The following UBXN2B variants were observed in gnomAD, a reference collection of about 807,000 sequenced individuals.
UBXN2B encodes the protein UBX domain protein 2B.
UBXN2B carries 19 observed loss-of-function variants against 37.5 expected under a neutral mutation model. That is an observed-to-expected ratio of 0.51 (90% CI 0.35 to 0.74). The LOEUF is 0.74. UBXN2B is among the 30% of genes least tolerant of loss of function. UBXN2B has a pLI of 0.01. For missense variants in UBXN2B, 370 were observed against 393.2 expected, an observed-to-expected ratio of 0.94 and a Z score of 0.50; for synonymous variants, 145 against 143.8, an observed-to-expected ratio of 1.01 and a Z score of -0.06.
chr8:58,441,348 C>CATATATATATATAT lies in UBXN2B; in HGVS notation c.671+1585_671+1598dup, dbSNP rs33952664. 8.5e-4 allele frequency among the ~76,000 whole-genome samples: 89 copies of CATATATATATATAT among 104,642 alleles called. 1 individual carries two copies. Among genetic ancestry groups the CATATATATATATAT allele is most frequent in the African/African-American group, 2.9e-3 (72 of 25,004 alleles). The allele number at this position is 104,642 out of a possible 152,430, so 68.6% of individuals were successfully genotyped here. A position where few individuals can be genotyped will look rare whatever the true frequency, so the allele number is the denominator to read the frequency against. On this transcript the variant is annotated intron_variant, in intron 6 of 7. Transcript: ENST00000399598. ...TTTTTACTCCTCTTGTTGTGATCAA[C>CATATATATATATAT]ATATATATATATATATATATGTATG...
chr8:58,432,375 CTTTTTTTTTTTTTTT>C (rs34018318), intron 3 of UBXN2B, among the ~76,000 whole-genome samples: 4 of 81,520 alleles, frequency 4.9e-5, no homozygotes, highest in African/African-American at 1.5e-4. Flanking sequence ...TTCTAAATTT[CTTTTTTTTTTTTTTT>C]TTTTTTTTTT....
chr8:58,439,945 A>G (rs1407869167), intron 6 of UBXN2B, among the ~76,000 whole-genome samples, 175 bp downstream of exon 6: 1 of 137,680 alleles, frequency 7.3e-6, no homozygotes, highest in Non-Finnish European at 1.6e-5. Context: ...ATTATATCAT[A>G]ATATTAATTG....
chr8:58,429,915 A>G (rs1190490212), intron 2 of UBXN2B, among the ~76,000 whole-genome samples: 8 of 152,240 alleles, frequency 5.3e-5, no homozygotes, highest in Non-Finnish European at 1.0e-4. Flanking sequence ...TATGTTTCCT[A>G]GGACCATTTA....
At chr8:58,435,468 A>T (rs753859828) in intron 5 of UBXN2B, among the ~76,000 whole-genome samples, 23 of 152,174 alleles carry the variant, frequency 1.5e-4, no homozygotes, top group Non-Finnish European at 2.5e-4. Context: ...GAGGCAGTAT[A>T]TGGGGGTGGC....
chr8:58,416,515 C>A (rs1173394428), intron 1 of UBXN2B, among the ~76,000 whole-genome samples: 1 of 152,084 alleles, frequency 6.6e-6, no homozygotes, highest in Non-Finnish European at 1.5e-5. Flanking sequence ...TGAACATCTT[C>A]AGGAATTCTT....
At position 58,416,915 on chromosome 8, in the gene UBXN2B, A is replaced by C. The variant is rs1050782850; in HGVS notation, c.150A>C (p.Lys50Asn). The change falls in exon 2 of 8, where the codon AAA (lysine) becomes AAC (asparagine). Residue 50 changes from lysine to asparagine, a missense_variant. Physicochemically the swap from Lys to Asn is moderately conservative, Grantham distance 94. Coordinates refer to ENST00000399598, the MANE Select transcript of UBXN2B (RefSeq NM_001077619.2). ...AATCTTCCAAGTCTAATAGACCTAAAGCCACAGTCTTCAAGAGCCCACGGA... is the reference window on the plus strand; with the variant it reads ...AATCTTCCAAGTCTAATAGACCTAACGCCACAGTCTTCAAGAGCCCACGGA... ...KCKSSKSNRPKATVFKSPRTP... is the reference protein window; with the variant it reads ...KCKSSKSNRPNATVFKSPRTP... The C allele has an allele frequency of 3.1e-6, 5 of 1,612,544 alleles. 1 individual carries two copies. In the Admixed American group the frequency reaches 8.3e-5, roughly 27 times the overall value.
At chr8:58,437,321 T>TC in intron 5 of UBXN2B, among the ~76,000 whole-genome samples, 1 of 89,084 alleles carries the variant, frequency 1.1e-5, no homozygotes, top group African/African-American at 4.1e-5. Context: ...GAAATTTCTT[T>TC]TTTTTTTTTT....
chr8:58,425,283 T>C (rs1808051357), intron 2 of UBXN2B: 3 of 1,148,398 alleles, frequency 2.6e-6, no homozygotes, highest in Non-Finnish European at 1.3e-6. Context: ...ATTTACTCTA[T>C]CCTCTCTCCA....
At chr8:58,445,003 C>T (rs767241623) in intron 6 of UBXN2B, among the ~76,000 whole-genome samples, 1 of 152,090 alleles carries the variant, frequency 6.6e-6, no homozygotes, top group Non-Finnish European at 1.5e-5. Context: ...GTCTTTCTTC[C>T]AGAAGAAAAT....
intron 6 of UBXN2B, among the ~76,000 whole-genome samples, chr8:58,442,555 C>A (rs1447628139): frequency 1.3e-5 from 2 of 152,160 alleles, no homozygotes; most frequent in African/African-American, 4.8e-5. Flanking sequence ...GGAACTAAAT[C>A]TTTTCATGTG....
intron 2 of UBXN2B, among the ~76,000 whole-genome samples, chr8:58,418,825 T>A (rs1807850209): frequency 6.6e-6 from 1 of 152,202 alleles, no homozygotes. Context: ...ATTTGTATAT[T>A]CTCCCAAGTC....
chr8:58,433,846 A>C (rs753486016), intron 4 of UBXN2B, among the ~76,000 whole-genome samples: 1 of 152,206 alleles, frequency 6.6e-6, no homozygotes, highest in Non-Finnish European at 1.5e-5. Flanking sequence ...ATATTTTCAT[A>C]ATCTAAAATG....
intron 5 of UBXN2B, 33 bp downstream of exon 5, chr8:58,434,537 G>A (rs1808365064): frequency 1.0e-5 from 15 of 1,437,952 alleles, no homozygotes; most frequent in Non-Finnish European, 1.4e-5. Flanking sequence ...TATTTGTTAT[G>A]TAGAGTGGGA....
At chr8:58,438,073 T>C (rs1380727090) in intron 5 of UBXN2B, among the ~76,000 whole-genome samples, 4 of 151,758 alleles carry the variant, frequency 2.6e-5, no homozygotes, top group African/African-American at 9.7e-5. Flanking sequence ...TCCCAGCTGC[T>C]GCATCTCCAG....
At position 58,449,069 on chromosome 8, in the gene UBXN2B, G is replaced by A. The variant is rs536048688; in HGVS notation, c.*1518G>A. On this transcript the variant is annotated 3_prime_UTR_variant, in exon 8 of 8. Coordinates refer to ENST00000399598, the MANE Select transcript of UBXN2B (RefSeq NM_001077619.2). ...AAAACCAGTGCTGTTTCATCTCTAT[G>A]ACCCTTCTGTTACCACATCTCTCTG... is the stretch of plus-strand genomic sequence containing the variant. 6.6e-6 allele frequency: 1 copy of A among 152,200 alleles called. No homozygotes were observed. Among genetic ancestry groups the A allele is most frequent in the East Asian group, 1.9e-4 (1 of 5,168 alleles). 9.4% of individuals were successfully genotyped at this position (152,200 alleles called of 1,614,324 possible). A position where few individuals can be genotyped will look rare whatever the true frequency, so the allele number is the denominator to read the frequency against.
intron 6 of UBXN2B, among the ~76,000 whole-genome samples, chr8:58,441,073 G>A (rs1189002917): frequency 6.6e-6 from 1 of 151,122 alleles, no homozygotes; most frequent in African/African-American, 2.4e-5. Flanking sequence ...GTTCACTGCA[G>A]CCTTGACCTC....
At chr8:58,438,293 C>A (rs1808464303) in intron 5 of UBXN2B, among the ~76,000 whole-genome samples, 1 of 152,212 alleles carries the variant, frequency 6.6e-6, no homozygotes, top group Non-Finnish European at 1.5e-5. Flanking sequence ...ACAGAGTCCC[C>A]ACTGGTGCAC....
chr8:58,438,236 A>G (rs899597066), intron 5 of UBXN2B, among the ~76,000 whole-genome samples: 1 of 152,192 alleles, frequency 6.6e-6, no homozygotes, highest in Non-Finnish European at 1.5e-5. Flanking sequence ...CTGCACCTAG[A>G]TTTTAGAGGG....
rs2129603677 is a variant in UBXN2B at position 58,416,924 on chromosome 8, C to G, written c.159C>G (p.Val53=). ...AGTCTAATAGACCTAAAGCCACAGTCTTCAAGAGCCCACGGACACCACCTC... is the reference window on the plus strand; with the variant it reads ...AGTCTAATAGACCTAAAGCCACAGTGTTCAAGAGCCCACGGACACCACCTC... The part of the protein sequence containing the change: ...SSKSNRPKAT[V]FKSPRTPPQR... The change falls in exon 2 of 8, where the codon GTC becomes GTG. Residue 53 remains valine (V), a synonymous_variant. Coordinates refer to ENST00000399598, the MANE Select transcript of UBXN2B (RefSeq NM_001077619.2). The G allele has an allele frequency of 6.2e-7, 1 of 1,610,788 alleles. No individual in the cohort carries two copies. Among genetic ancestry groups the G allele is most frequent in the Non-Finnish European group, 8.5e-7 (1 of 1,177,728 alleles).
Sources: allele counts gnomAD v4.1 joint callset (sites outside exome capture counted in the v4.1 genomes callset), GRCh38; gene constraint gnomAD v4.1.1; transcripts MANE v1.5; gene names NCBI Gene and HGNC (gene_info 2026-07-23, HGNC 2026-07-21).